The following CSMD1 variants were observed in gnomAD, a reference collection of about 807,000 sequenced individuals.
CSMD1 encodes the protein CUB and sushi domain-containing protein 1.
In CSMD1, 213 loss-of-function variants were observed where a neutral mutation model predicts 417.5. That is an observed-to-expected ratio of 0.51 (90% confidence interval 0.46 to 0.57). The LOEUF (loss-of-function observed/expected upper bound fraction) is 0.57, where lower values mean the gene tolerates loss of function less well. Ranked by LOEUF, CSMD1 falls within the 20% of genes least tolerant of loss-of-function variation. The probability of loss-of-function intolerance (pLI) is 0.00; values close to 1 mark genes in which losing one functional copy is unlikely to be tolerated. For synonymous variants in CSMD1, 2,862 were observed against 1,736.8 expected, an observed-to-expected ratio of 1.65 and a Z score of -16.11; for missense variants, 6,923 against 4,529.7, an observed-to-expected ratio of 1.53 and a Z score of -15.17.
chr8:4,726,172 G>A lies in CSMD1; in HGVS notation c.86-88614C>T, dbSNP rs116449501. Among the ~76,000 whole-genome samples the A allele has an allele frequency of 6.3e-3, 956 of 152,170 alleles. 12 individuals carry two copies. The highest frequency in any genetic ancestry group is 0.021 in the African/African-American group (892 of 41,516). On this transcript the variant is annotated intron_variant, in intron 1 of 69. Coordinates refer to ENST00000635120, the MANE Select transcript of CSMD1 (RefSeq NM_033225.6). ...CATCCAGATGAATACAAAACCTACA[G>A]TTGGTTGTATTACACTTGGAAGTTT...
At chr8:4,289,667 T>C (rs1383107371) in intron 3 of CSMD1, among the ~76,000 whole-genome samples, 4 of 152,278 alleles carry the variant, frequency 2.6e-5, no homozygotes, top group South Asian at 2.1e-4. Context: ...CTGAGTAACA[T>C]GTGCTCAAGA....
At chr8:3,595,734 T>C (rs977367406) in intron 8 of CSMD1, among the ~76,000 whole-genome samples, 1 of 152,182 alleles carries the variant, frequency 6.6e-6, no homozygotes, top group African/African-American at 2.4e-5. Context: ...CCAAGTTATG[T>C]TATAAGTTCA....
intron 8 of CSMD1, among the ~76,000 whole-genome samples, chr8:3,600,317 T>A (rs1464726794): frequency 6.6e-6 from 1 of 152,200 alleles, no homozygotes; most frequent in Middle Eastern, 3.2e-3. Context: ...TTAATGCTGT[T>A]GAAGGGTGGA....
At chr8:4,966,136 G>T (rs149659038) in intron 1 of CSMD1, among the ~76,000 whole-genome samples, 1 of 150,486 alleles carries the variant, frequency 6.6e-6, no homozygotes, top group Non-Finnish European at 1.5e-5. Context: ...GGCCGAGGCA[G>T]GTGGATCACC....
At chr8:4,290,355 C>A (rs372049841) in intron 3 of CSMD1, among the ~76,000 whole-genome samples, 1 of 152,114 alleles carries the variant, frequency 6.6e-6, no homozygotes, top group Non-Finnish European at 1.5e-5. Flanking sequence ...TCTATGACAT[C>A]TGAATGGAGG....
rs562370718 is a variant in CSMD1, at chr8:4,117,077, C to G, written c.416-84978G>C. Among the ~76,000 whole-genome samples the G allele has an allele frequency of 2.0e-5, 3 of 151,910 alleles. No homozygotes were observed. In the East Asian group the frequency reaches 5.8e-4, roughly 30 times the overall value. On this transcript the variant is annotated intron_variant, in intron 3 of 69. Transcript: ENST00000635120. ...AGTTAACCAGAATGAAATCTGGCCT[C>G]CTTTCTACTCCCTTTTCCCCCTTGA...
chr8:3,299,148 G>A (rs1327868288), intron 25 of CSMD1, among the ~76,000 whole-genome samples: 2 of 152,054 alleles, frequency 1.3e-5, no homozygotes, highest in Non-Finnish European at 2.9e-5. Flanking sequence ...CTAGGTAAAG[G>A]AAGTTAAAAA....
intron 21 of CSMD1, among the ~76,000 whole-genome samples, chr8:3,352,241 A>G (rs780049111): frequency 5.3e-5 from 8 of 152,158 alleles, no homozygotes; most frequent in Non-Finnish European, 8.8e-5. Context: ...ACTGAAGTGG[A>G]GCATCACATG....
intron 1 of CSMD1, among the ~76,000 whole-genome samples, chr8:4,878,355 T>A (rs1018718748): frequency 6.6e-6 from 1 of 152,090 alleles, no homozygotes; most frequent in African/African-American, 2.4e-5. Context: ...ATAAGTTGTG[T>A]CATTTGATGG....
At chr8:4,000,932 G>A (rs999189993) in intron 4 of CSMD1, among the ~76,000 whole-genome samples, 18 of 152,142 alleles carry the variant, frequency 1.2e-4, no homozygotes, top group African/African-American at 4.3e-4. Flanking sequence ...CCAAAATGAT[G>A]TAGTTGAAAG....
intron 3 of CSMD1, among the ~76,000 whole-genome samples, chr8:4,362,662 G>A (rs1045073832): frequency 6.6e-6 from 1 of 152,152 alleles, no homozygotes; most frequent in Admixed American, 6.6e-5. Flanking sequence ...AGAAGGAAAG[G>A]ACAGTGAAAT....
chr8:4,683,433 G>A (rs1806169199), intron 1 of CSMD1, among the ~76,000 whole-genome samples: 1 of 152,064 alleles, frequency 6.6e-6, no homozygotes, highest in Admixed American at 6.5e-5. Flanking sequence ...TATCCTGAAG[G>A]ACACACTTGA....
intron 3 of CSMD1, among the ~76,000 whole-genome samples, chr8:4,158,511 C>A (rs528327987): frequency 6.6e-6 from 1 of 152,124 alleles, no homozygotes; most frequent in Admixed American, 6.5e-5. Flanking sequence ...ATTGGAAAAA[C>A]TCCCAAAGAA....
rs1003516087 is a variant in CSMD1, at chr8:3,103,132, T to C, written c.6949+3396A>G. Among the ~76,000 whole-genome samples, 5 of 152,226 alleles carry C rather than the reference T, an allele frequency of 3.3e-5. No individual in the cohort carries two copies. The South Asian group carries it at 6.2e-4, about 19-fold the overall frequency. The stretch of plus-strand genomic sequence containing the variant: ...TAGATTTTAAAAAGTTAATCACTTA[T>C]GTCTTTAAATAAATACACACTTACA... On this transcript the variant is annotated intron_variant, in intron 46 of 69. Coordinates refer to ENST00000635120, the MANE Select transcript of CSMD1 (RefSeq NM_033225.6).
intron 3 of CSMD1, among the ~76,000 whole-genome samples, chr8:4,333,502 C>T (rs1799991029): frequency 3.3e-5 from 5 of 152,130 alleles, no homozygotes; most frequent in Admixed American, 3.3e-4. Flanking sequence ...ATGTGTACAG[C>T]ACTACTCTCA....
At chr8:4,124,493 C>T (rs1223333839) in intron 3 of CSMD1, among the ~76,000 whole-genome samples, 1 of 152,172 alleles carries the variant, frequency 6.6e-6, no homozygotes, top group Admixed American at 6.5e-5. Flanking sequence ...GGTGAAATCA[C>T]CAACTGCCCC....
chr8:4,929,101 G>C (rs887212561), intron 1 of CSMD1, among the ~76,000 whole-genome samples: 3 of 152,074 alleles, frequency 2.0e-5, no homozygotes, highest in Non-Finnish European at 4.4e-5. Context: ...CTTTAGGATG[G>C]GCTTTAATTC....
At chr8:3,536,970 T>A (rs554930209) in intron 10 of CSMD1, among the ~76,000 whole-genome samples, 1 of 152,280 alleles carries the variant, frequency 6.6e-6, no homozygotes, top group South Asian at 2.1e-4. Context: ...ACATGCAACA[T>A]TGTGCAACAA....
intron 1 of CSMD1, among the ~76,000 whole-genome samples, chr8:4,865,323 G>A (rs1042892417): frequency 6.6e-6 from 1 of 151,790 alleles, no homozygotes; most frequent in African/African-American, 2.4e-5. Flanking sequence ...ATCTCATTAA[G>A]AATCTCGTAA....
Sources: allele counts gnomAD v4.1 joint callset (sites outside exome capture counted in the v4.1 genomes callset), GRCh38; gene constraint gnomAD v4.1.1; transcripts MANE v1.5; gene names NCBI Gene and HGNC (gene_info 2026-07-23, HGNC 2026-07-21).